The following NFIB variants were observed in gnomAD, a reference collection of about 807,000 sequenced individuals.
NFIB encodes nuclear factor 1 B-type.
A neutral mutation model predicts 61.5 loss-of-function variants in NFIB; 11 were observed. The ratio of observed to expected loss-of-function variants is 0.18; its 90% CI spans 0.11 to 0.30. NFIB has a LOEUF of 0.30. Ranked by LOEUF, NFIB falls within the 10% of genes least tolerant of loss-of-function variation. The pLI, the probability that NFIB is intolerant of heterozygous loss-of-function variation, is 1.00. For missense variants in NFIB, 471 were observed against 608.9 expected (o/e 0.77, Z 2.38); for synonymous variants, 260 against 216.5 (o/e 1.20, Z -1.76).
intron 2 of NFIB, among the ~76,000 whole-genome samples, chr9:14,273,135 T>C (rs751622338): frequency 2.2e-4 from 34 of 152,214 alleles, no homozygotes; most frequent in Non-Finnish European, 4.7e-4. Context: ...TTTGCTCGTC[T>C]GGGAAAACAT....
chr9:14,331,480 C>T (rs1034077095), intron 1 of NFIB, among the ~76,000 whole-genome samples: 14 of 152,006 alleles, frequency 9.2e-5, no homozygotes, highest in South Asian at 6.3e-4. Context: ...GTAGATCTTC[C>T]TCCTTTGAGT....
the NFIB span, among the ~76,000 whole-genome samples, chr9:14,469,394 T>C: frequency 2.6e-5 from 4 of 152,218 alleles, no homozygotes; most frequent in Non-Finnish European, 5.9e-5. Flanking sequence ...CCTGGAAATG[T>C]GGATTCGGAA....
intron 1 of NFIB, among the ~76,000 whole-genome samples, chr9:14,387,706 T>A (rs2061565225): frequency 6.6e-6 from 1 of 152,228 alleles, no homozygotes; most frequent in African/African-American, 2.4e-5. Flanking sequence ...AAGGTAGGCA[T>A]GGGGATTGGT....
intron 2 of NFIB, among the ~76,000 whole-genome samples, chr9:14,303,006 T>A (rs2382467): frequency 0.8 from 122,294 of 152,214 alleles, 54,014 homozygotes; most frequent in Non-Finnish European, 0.97. Context: ...GAGAATTTCG[T>A]AACAGTGTGG....
At chr9:14,427,558 A>G in the NFIB span, among the ~76,000 whole-genome samples, 1 of 152,184 alleles carries the variant, frequency 6.6e-6, no homozygotes, top group Non-Finnish European at 1.5e-5. Flanking sequence ...ACTATGCTAC[A>G]CTACACAACT....
Position 14,306,971 on chromosome 9 carries a change from A to G in NFIB, c.562+18T>C, listed in dbSNP as rs753033132. On this transcript the variant is annotated intron_variant, in intron 2 of 10. Coordinates refer to ENST00000380953, the MANE Select transcript of NFIB (RefSeq NM_001190737.2). ...GGCGGTGTTTGCCGTGCTAGAAAAA[A>G]GAACAATCTGCTCCTACCTTGCTCC... 6.2e-7 allele frequency: 1 copy of G among 1,611,050 alleles called. No homozygotes were observed. Among genetic ancestry groups the G allele is most frequent in the Admixed American group, 1.7e-5 (1 of 59,958 alleles).
intron 2 of NFIB, among the ~76,000 whole-genome samples, chr9:14,254,566 G>C (rs916945497): frequency 6.6e-6 from 1 of 152,090 alleles, no homozygotes; most frequent in Non-Finnish European, 1.5e-5. Context: ...AAATGATGAG[G>C]CTAATTTATT....
At chr9:14,518,073 A>T in the NFIB span, among the ~76,000 whole-genome samples, 5 of 152,242 alleles carry the variant, frequency 3.3e-5, no homozygotes, top group Admixed American at 1.3e-4. Flanking sequence ...CACTATAAAA[A>T]ATTTTGAATG....
intron 1 of NFIB, among the ~76,000 whole-genome samples, chr9:14,375,871 T>C (rs1048810807): frequency 2.0e-5 from 3 of 152,192 alleles, no homozygotes; most frequent in Admixed American, 6.5e-5. Flanking sequence ...CATACTCACA[T>C]ATAACATCCT....
intron 6 of NFIB, among the ~76,000 whole-genome samples, chr9:14,139,636 C>T (rs1023010972): frequency 1.3e-5 from 2 of 152,126 alleles, no homozygotes; most frequent in African/African-American, 4.8e-5. Flanking sequence ...AATATGAGCA[C>T]GACTTTTCCA....
the NFIB span, among the ~76,000 whole-genome samples, chr9:14,513,497 G>A: frequency 6.6e-6 from 1 of 151,772 alleles, no homozygotes; most frequent in Non-Finnish European, 1.5e-5. Flanking sequence ...GTGTGGTAGC[G>A]CATGCCTGTA....
At chr9:14,375,222 T>A (rs553305451) in intron 1 of NFIB, among the ~76,000 whole-genome samples, 2 of 152,326 alleles carry the variant, frequency 1.3e-5, no homozygotes, top group African/African-American at 4.8e-5. Context: ...GCTCTTTCTA[T>A]CTCTCTGCTC....
the NFIB span, among the ~76,000 whole-genome samples, chr9:14,481,052 G>A: frequency 2.0e-5 from 3 of 151,036 alleles, no homozygotes; most frequent in South Asian, 2.1e-4. Context: ...GCCAGACTGG[G>A]GAGCATGACA....
At chr9:14,090,204 A>G (rs1053046231) in intron 10 of NFIB, among the ~76,000 whole-genome samples, 1 of 152,172 alleles carries the variant, frequency 6.6e-6, no homozygotes, top group Admixed American at 6.5e-5. Context: ...ATTAACAAAA[A>G]TTGATTAAGC....
the NFIB span, among the ~76,000 whole-genome samples, chr9:14,406,974 C>A: frequency 4.6e-5 from 7 of 152,174 alleles, no homozygotes; most frequent in Non-Finnish European, 2.9e-5. Context: ...TCTGTTAATG[C>A]AGAGATTGCA....
intron 2 of NFIB, among the ~76,000 whole-genome samples, chr9:14,293,566 G>C (rs2059237567): frequency 6.6e-6 from 1 of 152,174 alleles, no homozygotes; most frequent in Non-Finnish European, 1.5e-5. Context: ...CTTCAACAAA[G>C]CTGTAATGAT....
chr9:14,339,145 C>A lies in NFIB; in HGVS notation c.109-31625G>T, dbSNP rs564223809. On this transcript the variant is annotated intron_variant, in intron 1 of 8. Transcript: ENST00000380934. ...TGCAGATCTGTAGCAAGTATCCTGT[C>A]AGAAAATGTAAAAAGCCTAGAAGAA... is the stretch of plus-strand genomic sequence containing the variant. Among the ~76,000 whole-genome samples, 43 of 152,234 alleles carry A rather than the reference C, an allele frequency of 2.8e-4. No individual in the cohort carries two copies. The South Asian group carries it at 8.1e-3, about 29-fold the overall frequency.
intron 1 of NFIB, among the ~76,000 whole-genome samples, chr9:14,368,130 C>T (rs754716715): frequency 2.1e-5 from 3 of 141,294 alleles, no homozygotes; most frequent in Non-Finnish European, 3.0e-5. Flanking sequence ...ATGTATCTTA[C>T]GTGTAAAGTA....
At chr9:14,317,834 A>G (rs1453389660), upstream of NFIB, among the ~76,000 whole-genome samples, 1 of 152,180 alleles carries the variant, frequency 6.6e-6, no homozygotes, top group Admixed American at 6.5e-5. Context: ...TGGTTTGAAA[A>G]TCTCAATCTT....
Sources: gnomAD v4.1 joint callset for allele counts (sites outside exome capture counted in the v4.1 genomes callset) on GRCh38, gnomAD v4.1.1 for gene constraint, MANE v1.5 for transcripts, NCBI Gene and HGNC (gene_info 2026-07-23, HGNC 2026-07-21) for gene names.